SFMBT1: variants seen among roughly 807,000 people sequenced by gnomAD.
The protein encoded by SFMBT1 is scm-like with four MBT domains protein 1.
In SFMBT1, 32 loss-of-function variants were observed where a neutral mutation model predicts 108.7. That is an observed-to-expected ratio of 0.29 (90% CI 0.22 to 0.40). SFMBT1 has a LOEUF of 0.40. Among genes scored for constraint, SFMBT1 ranks in the 10% least tolerant of loss-of-function variants. The pLI is 1.00. For synonymous variants in SFMBT1, 348 were observed against 369.5 expected (o/e 0.94, Z 0.67); for missense variants, 816 against 1,059.6 (o/e 0.77, Z 3.19).
chr3:52,974,833 TAAAAAAAA>T (rs10646648), intron 1 of SFMBT1, among the ~76,000 whole-genome samples: 1 of 90,712 alleles, frequency 1.1e-5, no homozygotes, highest in Non-Finnish European at 2.2e-5. Context: ...CTATAAAAAG[TAAAAAAAA>T]AAAAAAAAAA....
rs1322039901 is a variant in SFMBT1, at chr3:52,906,230, G to A, written c.2343C>T (p.Ile781=). 3.1e-6 allele frequency: 5 copies of A among 1,614,026 alleles called. No individual in the cohort carries two copies. Among genetic ancestry groups the A allele is most frequent in the South Asian group, 1.1e-5 (1 of 91,072 alleles). Residue 781 remains isoleucine (I), a synonymous_variant, in exon 20 of 21, where the codon ATC becomes ATT. Coordinates refer to ENST00000394752, the MANE Select transcript of SFMBT1 (RefSeq NM_016329.4). ...CCAGGTGAAGCCTTTCAGCAACTTCGATCCTTATTTCCTTCATTCCCCACA... is the reference window on the plus strand; with the variant it reads ...CCAGGTGAAGCCTTTCAGCAACTTCAATCCTTATTTCCTTCATTCCCCACA... ...NKPPSPKEIR[I]EVAERLHLDS...
intron 1 of SFMBT1, among the ~76,000 whole-genome samples, chr3:52,972,556 A>T (rs1426161252): frequency 6.6e-6 from 1 of 151,986 alleles, no homozygotes; most frequent in Non-Finnish European, 1.5e-5. Flanking sequence ...GTCATCATTT[A>T]TTTTATCATT....
At chr3:53,045,473 G>A (rs1700201072) in intron 1 of SFMBT1, among the ~76,000 whole-genome samples, 1 of 144,410 alleles carries the variant, frequency 6.9e-6, no homozygotes, top group African/African-American at 2.5e-5. Context: ...GCCTCCCGCG[G>A]GCTGACGCGC....
At chr3:53,002,723 C>G (rs572501652) in intron 1 of SFMBT1, among the ~76,000 whole-genome samples, 4 of 150,428 alleles carry the variant, frequency 2.7e-5, no homozygotes, top group African/African-American at 9.7e-5. Context: ...TCAGCACCAG[C>G]CTGCTTAAAC....
At chr3:52,972,171 T>G (rs1366268278) in intron 1 of SFMBT1, among the ~76,000 whole-genome samples, 1 of 152,234 alleles carries the variant, frequency 6.6e-6, no homozygotes, top group Non-Finnish European at 1.5e-5. Context: ...TCATGAGCTC[T>G]TGGAACATGC....
chr3:52,976,691 A>G (rs1704530527), intron 1 of SFMBT1, among the ~76,000 whole-genome samples: 1 of 152,230 alleles, frequency 6.6e-6, no homozygotes, highest in East Asian at 1.9e-4. Flanking sequence ...CAGAAAAAAA[A>G]CTATCTCCAG....
At chr3:52,954,263 A>C in intron 3 of SFMBT1, 54 bp downstream of exon 3, 2 of 1,263,124 alleles carry the variant, frequency 1.6e-6, no homozygotes, top group Non-Finnish European at 2.3e-6. Context: ...GATAATACAG[A>C]GATTCGAAAT....
intron 1 of SFMBT1, among the ~76,000 whole-genome samples, chr3:52,991,723 T>C (rs1705139932): frequency 6.6e-6 from 1 of 152,056 alleles, no homozygotes; most frequent in Non-Finnish European, 1.5e-5. Flanking sequence ...AATGCCATTA[T>C]AAGAAGCTTC....
intron 14 of SFMBT1, among the ~76,000 whole-genome samples, chr3:52,915,576 A>G (rs924590769): frequency 2.4e-4 from 37 of 152,354 alleles, no homozygotes; most frequent in African/African-American, 8.4e-4. Flanking sequence ...TAGAATACAC[A>G]CAGCCAGGAT....
intron 8 of SFMBT1, among the ~76,000 whole-genome samples, chr3:52,929,262 G>A (rs913319442): frequency 2.6e-5 from 4 of 151,692 alleles, no homozygotes; most frequent in Admixed American, 6.6e-5. Context: ...ATTTAGAGAC[G>A]GAGTTTCGCT....
intron 2 of SFMBT1, among the ~76,000 whole-genome samples, chr3:52,963,934 G>A (rs1001322155): frequency 7.2e-5 from 11 of 152,126 alleles, no homozygotes; most frequent in Admixed American, 4.6e-4. Context: ...ACCATCATTA[G>A]CAAACAAGAC....
chr3:52,912,574 G>A lies in SFMBT1; in HGVS notation c.1694C>T (p.Ser565Phe), dbSNP rs1702242500. Reference protein sequence around the residue: ...VLRELQLDKDSVWHGCGEVLK... With the variant: ...VLRELQLDKDFVWHGCGEVLK... ...GACTTCCCCACATCCGTGCCACACA[G>A]AGTCTTTGTCCAGCTGGAGCTCCCG... The change falls in exon 16 of 21, where the codon TCT becomes TTT. Residue 565 changes from serine (S) to phenylalanine (F), a missense_variant. Transcript: ENST00000394752. 6.2e-7 allele frequency: 1 copy of A among 1,614,144 alleles called. No homozygotes were observed. Among genetic ancestry groups the A allele is most frequent in the Admixed American group, 1.7e-5 (1 of 60,026 alleles).
At position 53,006,682 on chromosome 3, in the gene SFMBT1, G is replaced by A. The variant is rs116873908; in HGVS notation, c.-130-37424C>T. ...TGTGTAGATTATATCCAAATATTAC[G>A]TCATTTTATATAAGGGTCTTGAGCA... On this transcript the variant is annotated intron_variant, in intron 1 of 20. Coordinates refer to ENST00000394752, the MANE Select transcript of SFMBT1 (RefSeq NM_016329.4). Among the ~76,000 whole-genome samples, 394 of 151,110 alleles carry A rather than the reference G, an allele frequency of 2.6e-3. 14 individuals are homozygous for A. In the East Asian group the frequency reaches 0.065, roughly 25 times the overall value.
intron 2 of SFMBT1, among the ~76,000 whole-genome samples, chr3:52,961,850 G>A (rs940781128): frequency 6.6e-6 from 1 of 151,942 alleles, no homozygotes; most frequent in African/African-American, 2.4e-5. Context: ...AAGGACTCTA[G>A]GTCCTTAAAT....
At chr3:52,938,333 T>C (rs1439544787) in intron 4 of SFMBT1, among the ~76,000 whole-genome samples, 1 of 152,210 alleles carries the variant, frequency 6.6e-6, no homozygotes, top group Non-Finnish European at 1.5e-5. Context: ...TTAAATGTTA[T>C]ATACTTCGTG....
chr3:53,022,150 G>A (rs1699331101), intron 1 of SFMBT1, among the ~76,000 whole-genome samples: 1 of 152,298 alleles, frequency 6.6e-6, no homozygotes, highest in Non-Finnish European at 1.5e-5. Flanking sequence ...GTTTTCTACT[G>A]TAGAAACAGC....
chr3:52,927,105 C>T (rs970795577), intron 9 of SFMBT1, among the ~76,000 whole-genome samples: 7 of 152,116 alleles, frequency 4.6e-5, no homozygotes, highest in African/African-American at 1.4e-4. Flanking sequence ...GAATAAAGAA[C>T]TTGGGATATC....
intron 2 of SFMBT1, among the ~76,000 whole-genome samples, chr3:52,963,286 C>A (rs550934606): frequency 5.5e-4 from 83 of 152,026 alleles, no homozygotes; most frequent in African/African-American, 1.8e-3. Flanking sequence ...TGACCCACCG[C>A]CCGGCCAATT....
chr3:52,980,677 A>G (rs1187166407), intron 1 of SFMBT1, among the ~76,000 whole-genome samples: 20 of 152,000 alleles, frequency 1.3e-4, no homozygotes. Context: ...AAAAAAAGCA[A>G]AGGAAATTTG....
Sources: allele counts gnomAD v4.1 joint callset (sites outside exome capture counted in the v4.1 genomes callset), GRCh38; gene constraint gnomAD v4.1.1; transcripts MANE v1.5; gene names NCBI Gene and HGNC (gene_info 2026-07-23, HGNC 2026-07-21).